CMSS1: variants seen among roughly 807,000 people sequenced by gnomAD.
The protein encoded by CMSS1 is cms1 ribosomal small subunit homolog.
CMSS1 carries 33 observed loss-of-function variants against 43.5 expected under a neutral mutation model. The ratio of observed to expected loss-of-function variants is 0.76; its 90% CI spans 0.57 to 1.01. The LOEUF (loss-of-function observed/expected upper bound fraction) is 1.01. CMSS1 is among the 50% of genes least tolerant of loss of function. The probability of loss-of-function intolerance (pLI) is 0.00; values close to 1 mark genes in which losing one functional copy is unlikely to be tolerated. For synonymous variants in CMSS1, 115 were observed against 117.2 expected (o/e 0.98, Z 0.12); for missense variants, 313 against 326.4 (o/e 0.96, Z 0.32).
intron 1 of CMSS1, among the ~76,000 whole-genome samples, chr3:100,071,925 A>G (rs958282312): frequency 2.0e-5 from 3 of 152,102 alleles, no homozygotes; most frequent in Non-Finnish European, 2.9e-5. Context: ...AGCTAATTAC[A>G]TTTTTACAAT....
chr3:99,943,627 C>T (rs1468476057), intron 1 of CMSS1, among the ~76,000 whole-genome samples: 10 of 152,014 alleles, frequency 6.6e-5, no homozygotes, highest in Non-Finnish European at 1.2e-4. Context: ...TCGCTTGAAC[C>T]CGGGAGGTGG....
Position 99,817,892 on chromosome 3 carries a change from C to T in CMSS1, c.-88C>T. ...CTAGCGGGAGCTCCGCGTGTAGCTA[C>T]GCCGGCCGCCTGGCTTTGAGACAAC... On this transcript the variant is annotated 5_prime_UTR_variant, in exon 1 of 10. It adds an upstream start codon to the 5' untranslated region. Coordinates refer to ENST00000421999, the MANE Select transcript of CMSS1 (RefSeq NM_032359.4). 2.1e-6 allele frequency: 3 copies of T among 1,413,220 alleles called. No homozygotes were observed. Among genetic ancestry groups the T allele is most frequent in the Non-Finnish European group, 3.0e-6 (3 of 1,009,674 alleles). The allele number at this position is 1,413,220 out of a possible 1,614,324, so 87.5% of individuals were successfully genotyped here.
At chr3:100,104,030 A>T (rs909359224) in intron 1 of CMSS1, among the ~76,000 whole-genome samples, 1 of 152,220 alleles carries the variant, frequency 6.6e-6, no homozygotes, top group Non-Finnish European at 1.5e-5. Flanking sequence ...CCCAGAGGCC[A>T]TGTCACCAAA....
At chr3:99,850,209 A>G in intron 1 of CMSS1, 9 of 1,613,074 alleles carry the variant, frequency 5.6e-6, no homozygotes, top group Non-Finnish European at 7.6e-6. Context: ...GTTTAGTTAA[A>G]TCCTCTTTTA....
chr3:99,821,308 T>A (rs1201023773), intron 1 of CMSS1, among the ~76,000 whole-genome samples: 1 of 152,238 alleles, frequency 6.6e-6, no homozygotes, highest in Non-Finnish European at 1.5e-5. Context: ...AGACATATAA[T>A]TTCTCATCCA....
chr3:99,904,988 G>A, intron 1 of CMSS1, among the ~76,000 whole-genome samples: 1 of 150,714 alleles, frequency 6.6e-6, no homozygotes, highest in Non-Finnish European at 1.5e-5. Context: ...AGAGGTCATT[G>A]GTGGCATCCT....
intron 1 of CMSS1, among the ~76,000 whole-genome samples, chr3:99,876,820 T>C (rs1268296490): frequency 6.6e-6 from 1 of 152,210 alleles, no homozygotes; most frequent in Non-Finnish European, 1.5e-5. Context: ...CATTTCTGCA[T>C]GCCTGTGTTT....
intron 1 of CMSS1, among the ~76,000 whole-genome samples, chr3:99,900,654 A>G (rs541954876): frequency 1.8e-4 from 27 of 152,364 alleles, no homozygotes; most frequent in African/African-American, 6.0e-4. Flanking sequence ...TCCATAAAGT[A>G]CCAAATGGGC....
At chr3:99,841,346 T>C (rs890391673) in intron 1 of CMSS1, among the ~76,000 whole-genome samples, 7 of 152,248 alleles carry the variant, frequency 4.6e-5, no homozygotes, top group Non-Finnish European at 1.0e-4. Context: ...ATTTCTACTA[T>C]GCCTGTGGCA....
intron 1 of CMSS1, among the ~76,000 whole-genome samples, chr3:99,969,512 T>C (rs1004042609): frequency 1.3e-5 from 2 of 152,152 alleles, no homozygotes; most frequent in South Asian, 4.1e-4. Flanking sequence ...TACGTTTGAA[T>C]TGATTCTAAA....
chr3:100,167,857 A>C lies in CMSS1; in HGVS notation c.518+17A>C, dbSNP rs771202750. On this transcript the variant is annotated intron_variant, in intron 6 of 9. Coordinates refer to ENST00000421999, the MANE Select transcript of CMSS1 (RefSeq NM_032359.4). The stretch of plus-strand genomic sequence containing the variant: ...GCTCATTAGGTTGGAAGGTTCACCT[A>C]TTCCATATCATAAATGTTTTCTGAA... The C allele has an allele frequency of 8.5e-6, 13 of 1,523,584 alleles. No homozygotes were observed. The highest frequency in any genetic ancestry group is 1.2e-5 in the Non-Finnish European group (13 of 1,104,528). The allele number at this position is 1,523,584 out of a possible 1,614,324, so 94.4% of individuals were successfully genotyped here.
chr3:100,176,292 C>T lies in CMSS1; in HGVS notation c.668-35C>T, dbSNP rs1040956099. ...TTTTAATAAGCTTATGTCATGAGGT[C>T]TTTACTACAGCAACTCTCTTCCTGT... On this transcript the variant is annotated intron_variant, in intron 8 of 9. Transcript: ENST00000421999. The T allele has an allele frequency of 6.4e-6, 9 of 1,408,096 alleles. No individual in the cohort carries two copies. The African/African-American group carries it at 9.9e-5, about 16-fold the overall frequency. 87.2% of individuals were successfully genotyped at this position (1,408,096 alleles called of 1,614,324 possible). A position where few individuals can be genotyped will look rare whatever the true frequency, so the allele number is the denominator to read the frequency against.
intron 1 of CMSS1, among the ~76,000 whole-genome samples, chr3:100,046,606 AG>A (rs2065283011): frequency 6.6e-6 from 1 of 152,148 alleles, no homozygotes; most frequent in Non-Finnish European, 1.5e-5. Flanking sequence ...TTAGCAAAAG[AG>A]GGGTCCTGTT....
intron 1 of CMSS1, among the ~76,000 whole-genome samples, chr3:99,912,156 A>G (rs1457187279): frequency 3.9e-5 from 6 of 152,226 alleles, no homozygotes; most frequent in Admixed American, 3.9e-4. Context: ...GGTTTTATTC[A>G]GCCATAAAAA....
chr3:100,048,275 G>A (rs999735635), intron 1 of CMSS1, among the ~76,000 whole-genome samples: 1 of 152,222 alleles, frequency 6.6e-6, no homozygotes, highest in African/African-American at 2.4e-5. Context: ...TAACTCACTT[G>A]TTTATCCCTT....
chr3:99,952,905 C>G (rs1203569638), intron 1 of CMSS1, among the ~76,000 whole-genome samples: 2 of 151,906 alleles, frequency 1.3e-5, no homozygotes, highest in Non-Finnish European at 2.9e-5. Context: ...AGAGGTATAC[C>G]CCCAAAATGG....
At chr3:99,958,182 C>G (rs1708388720) in intron 1 of CMSS1, among the ~76,000 whole-genome samples, 1 of 148,112 alleles carries the variant, frequency 6.8e-6, no homozygotes, top group Non-Finnish European at 1.5e-5. Context: ...AACCCATCAC[C>G]TAGGTATTAA....
intron 1 of CMSS1, among the ~76,000 whole-genome samples, chr3:99,958,744 C>T (rs1186109492): frequency 1.3e-5 from 2 of 152,132 alleles, no homozygotes; most frequent in East Asian, 3.8e-4. Context: ...CAGTGTGGAT[C>T]ATGGGGCTAG....
intron 1 of CMSS1, among the ~76,000 whole-genome samples, chr3:99,989,682 A>AT (rs1448811033): frequency 3.6e-3 from 83 of 23,374 alleles, no homozygotes; most frequent in Middle Eastern, 0.091. Flanking sequence ...ATATATATAT[A>AT]TATTTTTTTT....
Sources: allele counts gnomAD v4.1 joint callset (sites outside exome capture counted in the v4.1 genomes callset), GRCh38; gene constraint gnomAD v4.1.1; transcripts MANE v1.5; gene names NCBI Gene and HGNC (gene_info 2026-07-23, HGNC 2026-07-21).